PCDH15: variants seen among roughly 807,000 people sequenced by gnomAD.
PCDH15 encodes protocadherin related 15.
PCDH15 carries 129 observed loss-of-function variants against 178.5 expected under a neutral mutation model. The observed-to-expected ratio is 0.72, with a 90% CI of 0.63 to 0.84. The LOEUF (loss-of-function observed/expected upper bound fraction) is 0.84. PCDH15 is among the 40% of genes least tolerant of loss of function. PCDH15 has a pLI of 0.00. For synonymous variants in PCDH15, 800 were observed against 732.0 expected, an observed-to-expected ratio of 1.09 and a Z score of -1.50; for missense variants, 2,230 against 2,099.9, an observed-to-expected ratio of 1.06 and a Z score of -1.21.
chr10:54,582,689 G>T (rs916704247), intron 2 of PCDH15, among the ~76,000 whole-genome samples: 2 of 152,068 alleles, frequency 1.3e-5, no homozygotes, highest in African/African-American at 4.8e-5. Flanking sequence ...AAGGCTGGAG[G>T]ATTGCTTGAG....
At chr10:55,151,874 T>C (rs1015344379) in intron 2 of PCDH15, among the ~76,000 whole-genome samples, 4 of 152,016 alleles carry the variant, frequency 2.6e-5, no homozygotes, top group African/African-American at 9.7e-5. Context: ...ATGAGAAGAA[T>C]ACCAGGTGAT....
At chr10:55,353,568 C>T (rs1009759231) in intron 2 of PCDH15, among the ~76,000 whole-genome samples, 1 of 152,092 alleles carries the variant, frequency 6.6e-6, no homozygotes, top group African/African-American at 2.4e-5. Context: ...CAAGTGTATA[C>T]AGTATCTCTT....
intron 2 of PCDH15, among the ~76,000 whole-genome samples, chr10:55,101,446 T>C (rs947220217): frequency 5.9e-5 from 9 of 151,364 alleles, no homozygotes; most frequent in Admixed American, 2.0e-4. Context: ...CTAATAAATA[T>C]TGTTCCTCCA....
At chr10:54,193,013 AG>A (rs1205067931) in intron 11 of PCDH15, among the ~76,000 whole-genome samples, 1 of 152,202 alleles carries the variant, frequency 6.6e-6, no homozygotes, top group African/African-American at 2.4e-5. Flanking sequence ...TGACAGAACC[AG>A]GAGTCAAGCC....
At chr10:54,833,496 A>G (rs1953262362) in intron 3 of PCDH15, among the ~76,000 whole-genome samples, 1 of 152,218 alleles carries the variant, frequency 6.6e-6, no homozygotes, top group Non-Finnish European at 1.5e-5. Flanking sequence ...TTCTGCCTCA[A>G]AACTTCAACA....
At chr10:53,956,875 T>C (rs1391806802) in intron 23 of PCDH15, among the ~76,000 whole-genome samples, 1 of 152,168 alleles carries the variant, frequency 6.6e-6, no homozygotes, top group Non-Finnish European at 1.5e-5. Context: ...GAGAATCTAT[T>C]TGTAGTTAAT....
At chr10:54,224,269 A>G (rs574724417) in intron 9 of PCDH15, among the ~76,000 whole-genome samples, 1 of 152,274 alleles carries the variant, frequency 6.6e-6, no homozygotes, top group Admixed American at 6.5e-5. Flanking sequence ...CAATTATAAC[A>G]TGTAACTTAT....
At chr10:54,683,004 C>A (rs891519213) in intron 1 of PCDH15, among the ~76,000 whole-genome samples, 2 of 152,050 alleles carry the variant, frequency 1.3e-5, no homozygotes, top group Non-Finnish European at 2.9e-5. Context: ...ATCCATGCAA[C>A]AAATTTATAC....
At chr10:54,509,758 C>T (rs2137700495) in intron 3 of PCDH15, among the ~76,000 whole-genome samples, 1 of 152,260 alleles carries the variant, frequency 6.6e-6, no homozygotes. Flanking sequence ...CACTTGAAAA[C>T]TCAGTGCCAA....
intron 18 of PCDH15, among the ~76,000 whole-genome samples, chr10:54,036,642 G>A (rs898374218): frequency 3.3e-5 from 5 of 151,858 alleles, no homozygotes; most frequent in African/African-American, 7.3e-5. Flanking sequence ...GGTCACTCAA[G>A]AGTTCTGATG....
chr10:54,936,972 T>C (rs533947756), intron 2 of PCDH15, among the ~76,000 whole-genome samples: 95 of 152,154 alleles, frequency 6.2e-4, no homozygotes, highest in African/African-American at 2.0e-3. Context: ...GTTCTATGGT[T>C]TTATTTCTTA....
At chr10:54,579,016 A>G (rs1011112416) in intron 2 of PCDH15, among the ~76,000 whole-genome samples, 1 of 152,154 alleles carries the variant, frequency 6.6e-6, no homozygotes, top group Non-Finnish European at 1.5e-5. Context: ...ATGGAAAAAA[A>G]GGACAATTTC....
chr10:55,182,781 G>T (rs1404556409), intron 1 of PCDH15, among the ~76,000 whole-genome samples: 8 of 151,976 alleles, frequency 5.3e-5, no homozygotes, highest in African/African-American at 1.7e-4. Flanking sequence ...GGAAAGAAAT[G>T]ATGTACTTTT....
Position 53,840,358 on chromosome 10 carries a change from G to C in PCDH15, c.3945C>G (p.Pro1315=). 6.2e-7 allele frequency: 1 copy of C among 1,614,070 alleles called. No homozygotes were observed. Among genetic ancestry groups the C allele is most frequent in the Non-Finnish European group, 8.5e-7 (1 of 1,180,018 alleles). ...TTCTATCGATGGCTCTGTTGGTTTG[G>C]GGGTCAATTGCATAGACAGTCAAGT... ...KCDLTVYAID[P]QTNRAIDRNE... is the part of the protein sequence containing the mutation. Residue 1315 remains proline, a synonymous_variant, in exon 29 of 38, where the codon CCC becomes CCG. Coordinates refer to ENST00000644397, the MANE Select transcript of PCDH15 (RefSeq NM_001384140.1).
At chr10:54,517,837 AG>A (rs1246687677) in intron 3 of PCDH15, among the ~76,000 whole-genome samples, 11 of 152,238 alleles carry the variant, frequency 7.2e-5, no homozygotes, top group African/African-American at 2.7e-4. Flanking sequence ...CAGATGTAAA[AG>A]AACAGAAATT....
chr10:55,479,105 T>C (rs1565180668), intron 2 of PCDH15, among the ~76,000 whole-genome samples: 1 of 151,290 alleles, frequency 6.6e-6, no homozygotes, highest in South Asian at 2.1e-4. Flanking sequence ...TATTCAAAAA[T>C]ATTAGAGTGG....
intron 27 of PCDH15, among the ~76,000 whole-genome samples, chr10:53,862,298 G>A (rs935615826): frequency 6.6e-6 from 1 of 152,060 alleles, no homozygotes; most frequent in African/African-American, 2.4e-5. Flanking sequence ...TGATTTGCCT[G>A]CCTGAGCCTC....
At position 55,425,669 on chromosome 10, in the gene PCDH15, C is replaced by T. The variant is rs149974721; in HGVS notation, c.-156+201956G>A. Among the ~76,000 whole-genome samples the T allele has an allele frequency of 3.6e-4, 54 of 151,860 alleles. No homozygotes were observed. The East Asian group carries it at 9.9e-3, about 28-fold the overall frequency. On this transcript the variant is annotated intron_variant, in intron 2 of 5. Coordinates refer to the PCDH15 transcript ENST00000613346. ...GCTACTAGCTTTTCACACACACACACACAAAAAAAAACAGTGTTACTCATT... is the reference window on the plus strand; with the variant it reads ...GCTACTAGCTTTTCACACACACACATACAAAAAAAAACAGTGTTACTCATT...
At chr10:54,322,242 T>C (rs543950464) in intron 7 of PCDH15, among the ~76,000 whole-genome samples, 1 of 152,082 alleles carries the variant, frequency 6.6e-6, no homozygotes, top group South Asian at 2.1e-4. Context: ...ACATTCCATA[T>C]AATTTAATTA....
Sources: gnomAD v4.1 joint callset for allele counts (sites outside exome capture counted in the v4.1 genomes callset) on GRCh38, gnomAD v4.1.1 for gene constraint, MANE v1.5 for transcripts, NCBI Gene and HGNC (gene_info 2026-07-23, HGNC 2026-07-21) for gene names.